Variants in FAM117B observed in about 807,000 individuals in gnomAD.
FAM117B encodes protein FAM117B.
Under a neutral mutation model 52.8 loss-of-function variants are expected in FAM117B, and 22 were observed. The observed-to-expected ratio is 0.42, with a 90% CI of 0.30 to 0.59. The LOEUF (loss-of-function observed/expected upper bound fraction) is 0.59. Ranked by LOEUF, FAM117B falls within the 20% of genes least tolerant of loss-of-function variation. The pLI is 0.22. For synonymous variants in FAM117B, 309 were observed against 324.1 expected (o/e 0.95, Z 0.50); for missense variants, 678 against 802.6 (o/e 0.84, Z 1.88).
chr2:202,764,416 C>T (rs1472495765), intron 7 of FAM117B, among the ~76,000 whole-genome samples: 2 of 151,848 alleles, frequency 1.3e-5, no homozygotes, highest in East Asian at 1.9e-4. Context: ...AGGTGCATGC[C>T]GTCAGACTAG....
At chr2:202,752,026 G>A (rs1370883755) in intron 4 of FAM117B, among the ~76,000 whole-genome samples, 1 of 151,842 alleles carries the variant, frequency 6.6e-6, no homozygotes, top group Non-Finnish European at 1.5e-5. Context: ...GAGGCTGTGG[G>A]GAATGTGGGA....
At chr2:202,642,365 A>ATATATATATATATATATATATATATATAT (rs1559092461) in intron 1 of FAM117B, among the ~76,000 whole-genome samples, 1 of 148,544 alleles carries the variant, frequency 6.7e-6, no homozygotes, top group African/African-American at 2.5e-5. Context: ...ATATATATAT[A>ATATATATATATATATATATATATATATAT]AAATGAGTAG....
chr2:202,710,923 G>A (rs534900554), intron 2 of FAM117B, among the ~76,000 whole-genome samples: 64 of 152,190 alleles, frequency 4.2e-4, no homozygotes, highest in Non-Finnish European at 6.9e-4. Flanking sequence ...ACTCCATTGT[G>A]TGTATGTACC....
intron 1 of FAM117B, among the ~76,000 whole-genome samples, chr2:202,642,527 A>C (rs1689787518): frequency 6.6e-6 from 1 of 151,976 alleles, no homozygotes; most frequent in South Asian, 2.1e-4. Flanking sequence ...GTTGAGGGTG[A>C]TAGTTTGGAT....
At chr2:202,666,791 G>C (rs1006901782) in intron 1 of FAM117B, among the ~76,000 whole-genome samples, 2 of 145,422 alleles carry the variant, frequency 1.4e-5, no homozygotes, top group Admixed American at 7.0e-5. Flanking sequence ...GCCTCAGCCC[G>C]CTGAGTAGCT....
intron 1 of FAM117B, among the ~76,000 whole-genome samples, chr2:202,645,283 CTT>C (rs538990959): frequency 7.2e-6 from 1 of 138,378 alleles, no homozygotes; most frequent in Non-Finnish European, 1.6e-5. Context: ...TTTTTTCTTT[CTT>C]TTTTTTTTTG....
chr2:202,743,872 A>G (rs1691588786), intron 4 of FAM117B, among the ~76,000 whole-genome samples: 1 of 152,222 alleles, frequency 6.6e-6, no homozygotes, highest in Non-Finnish European at 1.5e-5. Flanking sequence ...CCTCTGTGAC[A>G]TATAGGAAGC....
intron 1 of FAM117B, among the ~76,000 whole-genome samples, chr2:202,692,819 C>T (rs1025611102): frequency 6.6e-6 from 1 of 152,084 alleles, no homozygotes; most frequent in African/African-American, 2.4e-5. Flanking sequence ...GCTGTGTGTA[C>T]TTAATTCTGC....
chr2:202,740,230 AACACCTTTAATCCCAGCT>A (rs1478935052), intron 4 of FAM117B, among the ~76,000 whole-genome samples: 1 of 141,590 alleles, frequency 7.1e-6, no homozygotes, highest in Non-Finnish European at 1.5e-5. Flanking sequence ...TGTGGTGGCA[AACACCTTTAATCCCAGCT>A]ACTCGGGAGG....
chr2:202,740,526 T>C (rs1691516853), intron 4 of FAM117B, among the ~76,000 whole-genome samples: 1 of 152,212 alleles, frequency 6.6e-6, no homozygotes, highest in African/African-American at 2.4e-5. Context: ...TTATAGTTTA[T>C]GGAGCAAAAT....
rs139667453 is a variant in FAM117B, at chr2:202,755,700, T to TA, written c.1104+23dup. On this transcript the variant is annotated intron_variant, in intron 5 of 7. Coordinates refer to ENST00000392238, the MANE Select transcript of FAM117B (RefSeq NM_173511.4). ...ACTTATAGTAAGTGATCTTGTATCT[T>TA]AAAATCATTCTTGAACTCTTATAAT... 4.2e-3 allele frequency: 6,748 copies of TA among 1,602,678 alleles called. 28 individuals carry two copies. The highest frequency in any genetic ancestry group is 5.4e-3 in the Non-Finnish European group (6,290 of 1,173,606).
intron 1 of FAM117B, among the ~76,000 whole-genome samples, chr2:202,690,550 T>C (rs1690604720): frequency 6.6e-6 from 1 of 152,088 alleles, no homozygotes; most frequent in African/African-American, 2.4e-5. Flanking sequence ...TTGAGGAAGA[T>C]TTTCCAGAGG....
In FAM117B at chr2:202,737,170, TA is replaced by T. The variant is rs568965379; in HGVS notation, c.960+10819del. 2.1e-3 allele frequency among the ~76,000 whole-genome samples: 312 copies of T among 146,428 alleles called. 9 individuals are homozygous for T. The South Asian group carries it at 0.035, about 16-fold the overall frequency. On this transcript the variant is annotated intron_variant, in intron 4 of 7. Transcript: ENST00000392238. ...TACCTAAGTCATACGTGGACTGAAT[TA>T]AAAAAAAAAAATTCTTCCCACATTT...
At chr2:202,736,604 T>C (rs576047318) in intron 4 of FAM117B, among the ~76,000 whole-genome samples, 4 of 152,062 alleles carry the variant, frequency 2.6e-5, no homozygotes, top group Non-Finnish European at 5.9e-5. Flanking sequence ...CATCAAAATA[T>C]ACAAAAAATT....
chr2:202,700,876 T>C (rs1021955220), intron 2 of FAM117B, among the ~76,000 whole-genome samples: 5 of 152,064 alleles, frequency 3.3e-5, no homozygotes, highest in African/African-American at 1.2e-4. Context: ...TTTTTAAATG[T>C]TTTTGTAGAG....
intron 1 of FAM117B, among the ~76,000 whole-genome samples, chr2:202,649,736 A>G (rs1048642997): frequency 2.6e-5 from 4 of 151,572 alleles, no homozygotes; most frequent in African/African-American, 9.7e-5. Context: ...GTTTTTAGTA[A>G]AGACGGGGTT....
intron 1 of FAM117B, among the ~76,000 whole-genome samples, chr2:202,653,541 G>T (rs1209695988): frequency 6.6e-6 from 1 of 152,138 alleles, no homozygotes; most frequent in African/African-American, 2.4e-5. Context: ...TAGTTTGGAA[G>T]CTTTGAGTAT....
chr2:202,728,021 C>G (rs1465696041), intron 4 of FAM117B, among the ~76,000 whole-genome samples: 1 of 151,236 alleles, frequency 6.6e-6, no homozygotes, highest in African/African-American at 2.5e-5. Flanking sequence ...CTCTGTCACC[C>G]AGGCTGGAGT....
At chr2:202,699,444 A>G (rs1212086962) in intron 2 of FAM117B, among the ~76,000 whole-genome samples, 38 of 129,572 alleles carry the variant, frequency 2.9e-4, no homozygotes, top group Non-Finnish European at 3.5e-4. Context: ...AAAAAAAAAA[A>G]AAAAGAAAAA....
Sources: allele counts gnomAD v4.1 joint callset (sites outside exome capture counted in the v4.1 genomes callset), GRCh38; gene constraint gnomAD v4.1.1; transcripts MANE v1.5; gene names NCBI Gene and HGNC (gene_info 2026-07-23, HGNC 2026-07-21).